The following SLC6A5 variants were observed in gnomAD, a reference collection of about 807,000 sequenced individuals.
The protein encoded by SLC6A5 is solute carrier family 6 member 5.
SLC6A5 carries 58 observed loss-of-function variants against 90.5 expected under a neutral mutation model. The ratio of observed to expected loss-of-function variants is 0.64; its 90% CI spans 0.52 to 0.80. The LOEUF is 0.80. SLC6A5 is among the 30% of genes least tolerant of loss of function. The pLI, the probability that SLC6A5 is intolerant of heterozygous loss-of-function variation, is 0.00. For missense variants in SLC6A5, 1,015 were observed against 1,017.6 expected (o/e 1.00, Z 0.03); for synonymous variants, 427 against 401.4 (o/e 1.06, Z -0.76).
At chr11:20,608,940 CTCTCTCTCTCTCTCTCTCTGTG>C (rs1197170961) in intron 5 of SLC6A5, among the ~76,000 whole-genome samples, 3 of 125,090 alleles carry the variant, frequency 2.4e-5, no homozygotes, top group African/African-American at 5.7e-5. Flanking sequence ...CTCTCTCTCT[CTCTCTCTCTCTCTCTCTCTGTG>C]TGTGTGTGTG....
intron 1 of SLC6A5, among the ~76,000 whole-genome samples, chr11:20,600,747 A>G (rs1232396032): frequency 1.3e-5 from 2 of 152,184 alleles, no homozygotes; most frequent in Non-Finnish European, 2.9e-5. Context: ...GGGGCGGAAA[A>G]TTAAAGAATC....
In SLC6A5 at chr11:20,637,162, A is replaced by T; in HGVS notation, c.1738-10A>T. On this transcript the variant is annotated splice_polypyrimidine_tract_variant and intron_variant, in intron 11 of 15. Transcript: ENST00000525748. ...TTGACTCAGATGTTCATTTCCTGAC[A>T]CGGTTCCAGTTTGCCACCATCGAGA... The T allele has an allele frequency of 6.2e-7, 1 of 1,613,800 alleles. No homozygotes were observed. The highest frequency in any genetic ancestry group is 8.5e-7 in the Non-Finnish European group (1 of 1,179,832).
chr11:20,617,744 A>G lies in SLC6A5; in HGVS notation c.1128-8A>G, dbSNP rs746950701. The stretch of plus-strand genomic sequence containing the variant: ...ATCACTCCCCCCATCCCTCCCTCCA[A>G]CTCTCAGGTACTTTGTGCTGAAGAT... On this transcript the variant is annotated splice_polypyrimidine_tract_variant and splice_region_variant and intron_variant, in intron 6 of 15. Coordinates refer to ENST00000525748, the MANE Select transcript of SLC6A5 (RefSeq NM_004211.5). 4 of 1,613,148 alleles carry G rather than the reference A, an allele frequency of 2.5e-6. No homozygotes were observed. Among genetic ancestry groups the G allele is most frequent in the Middle Eastern group, 1.7e-4 (1 of 5,798 alleles).
intron 1 of SLC6A5, among the ~76,000 whole-genome samples, chr11:20,600,379 AAGAAGAAGAAG>A (rs1852441358): frequency 6.7e-6 from 1 of 150,234 alleles, no homozygotes; most frequent in African/African-American, 2.5e-5. Flanking sequence ...GAAGAAGAAG[AAGAAGAAGAAG>A]AAGAAGAAGA....
chr11:20,636,538 C>T (rs772006259), intron 11 of SLC6A5, 119 bp downstream of exon 11: 39 of 732,524 alleles, frequency 5.3e-5, no homozygotes, highest in Admixed American at 1.0e-4. Context: ...ATGTTTCTCC[C>T]GAGAGATCTA....
chr11:20,639,855 A>T (rs879556637), intron 13 of SLC6A5, among the ~76,000 whole-genome samples: 1 of 152,204 alleles, frequency 6.6e-6, no homozygotes, highest in African/African-American at 2.4e-5. Flanking sequence ...GGGAGAGTTT[A>T]GTTCCTGGCA....
chr11:20,637,583 A>G (rs920381526), intron 12 of SLC6A5, among the ~76,000 whole-genome samples: 1 of 152,132 alleles, frequency 6.6e-6, no homozygotes, highest in Non-Finnish European at 1.5e-5. Flanking sequence ...GCAGTGGCGC[A>G]TGTCTCTAGT....
At position 20,618,981 on chromosome 11, in the gene SLC6A5, A is replaced by ACACACACAC. The variant is rs376434465; in HGVS notation, c.1260+1097_1260+1098insCACACACAC. Among the ~76,000 whole-genome samples, 316 of 107,014 alleles carry ACACACACAC rather than the reference A, an allele frequency of 3.0e-3. 5 individuals are homozygous for ACACACACAC. The highest frequency in any genetic ancestry group is 0.016 in the Middle Eastern group (3 of 182). The allele number at this position is 107,014 out of a possible 152,430, so 70.2% of individuals were successfully genotyped here. A position where few individuals can be genotyped will look rare whatever the true frequency, so the allele number is the denominator to read the frequency against. Reference sequence around the variant, plus strand: ...ACACACACACACACACACACACACAAAGAAAAACCTACTGAAGAGTTAACC... The same window carrying ACACACACAC: ...ACACACACACACACACACACACACAACACACACACAGAAAAACCTACTGAAGAGTTAACC... On this transcript the variant is annotated intron_variant, in intron 7 of 15. Coordinates refer to ENST00000525748, the MANE Select transcript of SLC6A5 (RefSeq NM_004211.5).
At chr11:20,624,910 T>C (rs1036039969) in intron 7 of SLC6A5, among the ~76,000 whole-genome samples, 1 of 152,190 alleles carries the variant, frequency 6.6e-6, no homozygotes, top group East Asian at 1.9e-4. Context: ...GTGTGGATTG[T>C]AAGTGACACT....
At chr11:20,618,685 C>T (rs4923476) in intron 7 of SLC6A5, among the ~76,000 whole-genome samples, 106,464 of 151,944 alleles carry the variant, frequency 0.7, 37,334 homozygotes, top group South Asian at 0.78. Flanking sequence ...GCCTGTAATC[C>T]CAGCACTTTG....
chr11:20,651,174 A>C (rs1435121603), intron 14 of SLC6A5, among the ~76,000 whole-genome samples: 1 of 151,662 alleles, frequency 6.6e-6, no homozygotes, highest in African/African-American at 2.4e-5. Flanking sequence ...AAAAGTAAAA[A>C]TACATAAACG....
At chr11:20,600,404 A>AGAG (rs1852445220) in intron 1 of SLC6A5, among the ~76,000 whole-genome samples, 1 of 145,502 alleles carries the variant, frequency 6.9e-6, no homozygotes, top group African/African-American at 2.5e-5. Context: ...AAGAAGAAGA[A>AGAG]GAAGAAGACC....
chr11:20,637,091 G>T, intron 11 of SLC6A5, 81 bp from the exon 12 acceptor site: 2 of 1,413,538 alleles, frequency 1.4e-6, no homozygotes, highest in Non-Finnish European at 1.0e-6. Context: ...AACTTTCCTG[G>T]ATGGGACATA....
At chr11:20,654,041 G>T (rs980287275) in intron 15 of SLC6A5, among the ~76,000 whole-genome samples, 8 of 152,132 alleles carry the variant, frequency 5.3e-5, no homozygotes, top group Non-Finnish European at 1.0e-4. Flanking sequence ...TCTAGAAAAT[G>T]TTTCAGTCAA....
chr11:20,614,622 A>C (rs1404266517), intron 5 of SLC6A5, 57 bp from the exon 6 acceptor site: 31 of 1,542,482 alleles, frequency 2.0e-5, no homozygotes, highest in Non-Finnish European at 2.6e-5. Flanking sequence ...CAGAGAGACA[A>C]ATCTCTGTTT....
intron 10 of SLC6A5, among the ~76,000 whole-genome samples, chr11:20,631,537 A>G (rs1853110049): frequency 6.6e-6 from 1 of 152,246 alleles, no homozygotes; most frequent in South Asian, 2.1e-4. Context: ...CAGAGAAAGC[A>G]TTCAAGATTT....
In SLC6A5 at chr11:20,638,339, G is replaced by A. The variant is rs1288153753; in HGVS notation, c.1870-120G>A. Reference sequence around the variant, plus strand: ...TACTGCTACTGAGAGGAGGGGAGATGCATGGACTCCTGTTTGCACCTGACT... The same window carrying A: ...TACTGCTACTGAGAGGAGGGGAGATACATGGACTCCTGTTTGCACCTGACT... On this transcript the variant is annotated intron_variant, in intron 12 of 15. Coordinates refer to ENST00000525748, the MANE Select transcript of SLC6A5 (RefSeq NM_004211.5). 9.5e-6 allele frequency: 7 copies of A among 736,200 alleles called. No homozygotes were observed. In the African/African-American group the frequency reaches 1.2e-4, roughly 13 times the overall value. The allele number at this position is 736,200 out of a possible 1,614,324, so 45.6% of individuals were successfully genotyped here.
intron 13 of SLC6A5, among the ~76,000 whole-genome samples, 168 bp downstream of exon 13, chr11:20,638,726 T>A (rs969916303): frequency 2.0e-5 from 3 of 152,196 alleles, no homozygotes; most frequent in Non-Finnish European, 4.4e-5. Context: ...TCACGACCAC[T>A]GTGATCCAAA....
chr11:20,614,590 G>A, intron 5 of SLC6A5, 89 bp from the exon 6 acceptor site: 1 of 1,236,726 alleles, frequency 8.1e-7, no homozygotes, highest in Non-Finnish European at 1.2e-6. Context: ...AAATGTTTTT[G>A]GCATTTGTTT....
Sources: gnomAD v4.1 joint callset for allele counts (sites outside exome capture counted in the v4.1 genomes callset) on GRCh38, gnomAD v4.1.1 for gene constraint, MANE v1.5 for transcripts, NCBI Gene and HGNC (gene_info 2026-07-23, HGNC 2026-07-21) for gene names.